Variants in DCC observed in about 807,000 individuals in gnomAD.
DCC encodes the protein netrin receptor DCC.
DCC carries 58 observed loss-of-function variants against 172.5 expected under a neutral mutation model. That is an observed-to-expected ratio of 0.34 (90% CI 0.27 to 0.42). The LOEUF (loss-of-function observed/expected upper bound fraction) is 0.42, where lower values mean the gene tolerates loss of function less well. Ranked by LOEUF, DCC falls within the 10% of genes least tolerant of loss-of-function variation. The pLI is 1.00. For missense variants in DCC, 1,740 were observed against 1,791.0 expected (o/e 0.97, Z 0.51); for synonymous variants, 709 against 644.5 (o/e 1.10, Z -1.52).
At position 52,864,487 on chromosome 18, in the gene DCC, T is replaced by G. The variant is rs144808706; in HGVS notation, c.413-41557T>G. On this transcript the variant is annotated intron_variant, in intron 2 of 28. Transcript: ENST00000442544. ...GACCAATCTAGTTTGATAGGTGGCT[T>G]TTTAACATAGTTTCCATTTTCTTTT... Among the ~76,000 whole-genome samples the G allele has an allele frequency of 7.2e-5, 11 of 152,286 alleles. No individual in the cohort carries two copies. In the East Asian group the frequency reaches 7.7e-4, roughly 11 times the overall value.
intron 1 of DCC, among the ~76,000 whole-genome samples, chr18:52,620,954 G>C (rs544106511): frequency 6.6e-6 from 1 of 152,292 alleles, no homozygotes; most frequent in East Asian, 1.9e-4. Flanking sequence ...TTTCCCCAGA[G>C]GTATTGCTTC....
At chr18:52,789,717 A>G (rs1006289643) in intron 2 of DCC, among the ~76,000 whole-genome samples, 11 of 152,144 alleles carry the variant, frequency 7.2e-5, no homozygotes, top group Non-Finnish European at 1.6e-4. Flanking sequence ...TGTGACTGAG[A>G]CAGTAAAGGA....
chr18:52,908,039 C>T (rs74509063), intron 3 of DCC, among the ~76,000 whole-genome samples: 6,801 of 152,204 alleles, frequency 0.045, 197 homozygotes, highest in Non-Finnish European at 0.062. Flanking sequence ...CTGACTTAGA[C>T]GCTCTTGTGA....
chr18:53,507,554 T>TATCTC lies in DCC; in HGVS notation c.4111+8045_4111+8049dup, dbSNP rs2144510693. Among the ~76,000 whole-genome samples, 3 of 152,330 alleles carry TATCTC rather than the reference T, an allele frequency of 2.0e-5. No homozygotes were observed. In the South Asian group the frequency reaches 6.2e-4, roughly 32 times the overall value. On this transcript the variant is annotated intron_variant, in intron 27 of 28. Coordinates refer to ENST00000442544, the MANE Select transcript of DCC (RefSeq NM_005215.4). ...AGGCTTGCAGGAGGACTGATGTTCT[T>TATCTC]ATCTCCAGGATCTCCTTATTTACCG...
intron 15 of DCC, among the ~76,000 whole-genome samples, chr18:53,381,570 C>G (rs1220565905): frequency 1.2e-5 from 1 of 82,166 alleles, no homozygotes; most frequent in Admixed American, 1.7e-4. Context: ...ACCCCCCCCC[C>G]ACCACCACCT....
chr18:52,768,174 T>C (rs540379617), intron 2 of DCC, among the ~76,000 whole-genome samples: 39 of 152,354 alleles, frequency 2.6e-4, no homozygotes, highest in African/African-American at 8.4e-4. Flanking sequence ...AACTCTATTT[T>C]CAGAGCTTTA....
chr18:52,367,580 T>C (rs1310994650), intron 1 of DCC, among the ~76,000 whole-genome samples: 3 of 152,246 alleles, frequency 2.0e-5, no homozygotes, highest in Non-Finnish European at 2.9e-5. Context: ...CATCCTGTTA[T>C]GTATTGGCTT....
At chr18:53,392,210 T>C (rs978054349) in intron 17 of DCC, among the ~76,000 whole-genome samples, 2 of 152,042 alleles carry the variant, frequency 1.3e-5, no homozygotes, top group Non-Finnish European at 2.9e-5. Context: ...ATGTTAATTT[T>C]CTGGATTTTG....
intron 1 of DCC, among the ~76,000 whole-genome samples, chr18:52,651,689 G>T (rs1417596448): frequency 6.6e-6 from 1 of 151,980 alleles, no homozygotes; most frequent in Non-Finnish European, 1.5e-5. Context: ...AAATATTTAA[G>T]ATGAATATAT....
chr18:52,627,459 T>G (rs1054657934), intron 1 of DCC, among the ~76,000 whole-genome samples: 1 of 152,204 alleles, frequency 6.6e-6, no homozygotes, highest in Non-Finnish European at 1.5e-5. Flanking sequence ...TAAACCATTC[T>G]CCTTAGGCCT....
intron 1 of DCC, among the ~76,000 whole-genome samples, chr18:52,535,083 C>T (rs1002643222): frequency 4.6e-5 from 7 of 152,162 alleles, no homozygotes; most frequent in African/African-American, 1.7e-4. Context: ...TGGGACATGG[C>T]ATTATCAGTC....
At chr18:52,807,124 G>A (rs1319776819) in intron 2 of DCC, among the ~76,000 whole-genome samples, 2 of 152,206 alleles carry the variant, frequency 1.3e-5, no homozygotes, top group Non-Finnish European at 2.9e-5. Flanking sequence ...GAGCGCGGGA[G>A]GTGGAGGTTG....
intron 1 of DCC, among the ~76,000 whole-genome samples, chr18:52,717,430 CT>C (rs59202776): frequency 0.023 from 2,850 of 123,386 alleles, 85 homozygotes; most frequent in African/African-American, 0.081. Flanking sequence ...TTCTAAATTT[CT>C]TTTTTTTTTT....
intron 1 of DCC, among the ~76,000 whole-genome samples, chr18:52,593,348 C>T (rs1243100990): frequency 6.6e-6 from 1 of 152,168 alleles, no homozygotes; most frequent in Non-Finnish European, 1.5e-5. Flanking sequence ...GTAAAACTCC[C>T]TCAGCAGCAG....
At chr18:52,590,806 C>G (rs762635719) in intron 1 of DCC, among the ~76,000 whole-genome samples, 14 of 152,314 alleles carry the variant, frequency 9.2e-5, no homozygotes, top group Admixed American at 3.9e-4. Context: ...AAGTAAGATA[C>G]ACAGATAAGT....
intron 5 of DCC, among the ~76,000 whole-genome samples, chr18:53,053,773 T>G (rs141149245): frequency 6.6e-6 from 1 of 152,136 alleles, no homozygotes; most frequent in East Asian, 1.9e-4. Context: ...ATTTTGGATA[T>G]TTATTATTTG....
chr18:53,020,873 G>A (rs1223475807), intron 5 of DCC, among the ~76,000 whole-genome samples: 2 of 152,096 alleles, frequency 1.3e-5, no homozygotes, highest in African/African-American at 4.8e-5. Flanking sequence ...AGAGCCTGCG[G>A]ATTAATGGTA....
intron 27 of DCC, among the ~76,000 whole-genome samples, chr18:53,526,201 T>TCTAA (rs1424276099): frequency 6.6e-6 from 1 of 152,158 alleles, no homozygotes; most frequent in African/African-American, 2.4e-5. Flanking sequence ...AACCATCTCT[T>TCTAA]CTAACTCTGC....
chr18:53,012,773 G>T (rs1485108668), intron 5 of DCC, among the ~76,000 whole-genome samples: 1 of 151,820 alleles, frequency 6.6e-6, no homozygotes, highest in Non-Finnish European at 1.5e-5. Flanking sequence ...AATACATAAA[G>T]ACCTTAAAAT....
Sources: gnomAD v4.1 joint callset for allele counts (sites outside exome capture counted in the v4.1 genomes callset) on GRCh38, gnomAD v4.1.1 for gene constraint, MANE v1.5 for transcripts, NCBI Gene and HGNC (gene_info 2026-07-23, HGNC 2026-07-21) for gene names.